Variants in SIGLEC15 observed in about 807,000 individuals in gnomAD.
The protein encoded by SIGLEC15 is sialic acid-binding Ig-like lectin 15.
A neutral mutation model predicts 26.2 loss-of-function variants in SIGLEC15; 31 were observed. The ratio of observed to expected loss-of-function variants is 1.18; its 90% confidence interval spans 0.89 to 1.60. The LOEUF is 1.60. Ranked by LOEUF, SIGLEC15 falls within the 40% of genes most tolerant of loss-of-function variation. The pLI is 0.00. For synonymous variants in SIGLEC15, 207 were observed against 221.9 expected (o/e 0.93, Z 0.60); for missense variants, 501 against 488.4 (o/e 1.03, Z -0.24).
At chr18:45,840,345 TG>T in intron 5 of SIGLEC15, 104 bp downstream of exon 5, 1 of 1,337,242 alleles carries the variant, frequency 7.5e-7, no homozygotes, top group Non-Finnish European at 1.0e-6. Flanking sequence ...GGGCTGGGGC[TG>T]GGGTCCTACT....
intron 1 of SIGLEC15, among the ~76,000 whole-genome samples, chr18:45,836,598 T>A (rs2145060266): frequency 6.6e-6 from 1 of 152,214 alleles, no homozygotes; most frequent in Admixed American, 6.5e-5. Context: ...CAACCACACA[T>A]CCATGGTTCA....
intron 3 of SIGLEC15, among the ~76,000 whole-genome samples, chr18:45,838,166 G>A (rs1599396161): frequency 6.6e-6 from 1 of 152,218 alleles, no homozygotes; most frequent in East Asian, 1.9e-4. Flanking sequence ...GTCCCCAGTG[G>A]CTCTCAGACG....
intron 5 of SIGLEC15, among the ~76,000 whole-genome samples, chr18:45,841,463 T>C (rs2145084195): frequency 6.6e-6 from 1 of 151,958 alleles, no homozygotes; most frequent in Non-Finnish European, 1.5e-5. Context: ...CACTGAATGG[T>C]TTTAAGCGGA....
At chr18:45,836,716 G>A (rs1344925866) in intron 1 of SIGLEC15, among the ~76,000 whole-genome samples, 1 of 152,222 alleles carries the variant, frequency 6.6e-6, no homozygotes, top group African/African-American at 2.4e-5. Context: ...CAGGCACTAG[G>A]GAAGCCAGTC....
In SIGLEC15 at chr18:45,843,625, T is replaced by G. The variant is rs1285162959; in HGVS notation, c.*1438T>G. 1 of 152,322 alleles carries G rather than the reference T, an allele frequency of 6.6e-6. No homozygotes were observed. The highest frequency in any genetic ancestry group is 2.4e-5 in the African/African-American group (1 of 41,452). The allele number at this position is 152,322 out of a possible 1,614,324, so 9.4% of individuals were successfully genotyped here. A position where few individuals can be genotyped will look rare whatever the true frequency, so the allele number is the denominator to read the frequency against. ...TGGGCGTGGTGGCTCATGCCTGTAA[T>G]CCCAGCACCCTGGGAGGCCGAGGCA... is the stretch of plus-strand genomic sequence containing the variant. On this transcript the variant is annotated 3_prime_UTR_variant, in exon 6 of 6. Coordinates refer to ENST00000389474, the MANE Select transcript of SIGLEC15 (RefSeq NM_213602.3).
rs762535724 is a variant in SIGLEC15, at chr18:45,837,895, A to T, written c.495A>T (p.Thr165=). 1 of 1,509,370 alleles carries T rather than the reference A, an allele frequency of 6.6e-7. No individual in the cohort carries two copies. Among genetic ancestry groups the T allele is most frequent in the East Asian group, 2.8e-5 (1 of 36,298 alleles). The allele number at this position is 1,509,370 out of a possible 1,614,324, so 93.5% of individuals were successfully genotyped here. Residue 165 remains threonine, a splice_region_variant and synonymous_variant, in exon 3 of 6, where the codon ACA becomes ACT. Transcript: ENST00000389474. ...GCCACGGCGTCCGGCTGCACGTGAC[A>T]GGCGAGGCGGCGTGGGAGCGGGTCC... is the stretch of plus-strand genomic sequence containing the variant. ...ESRHGVRLHV[T]AAPRIVNISV...
intron 1 of SIGLEC15, among the ~76,000 whole-genome samples, chr18:45,829,683 C>G (rs2048216303): frequency 1.3e-5 from 2 of 152,182 alleles, no homozygotes; most frequent in Non-Finnish European, 2.9e-5. Flanking sequence ...AGGGTAGCCC[C>G]TCCCAGATTG....
chr18:45,828,727 C>A (rs569754701), intron 1 of SIGLEC15, among the ~76,000 whole-genome samples: 3 of 152,198 alleles, frequency 2.0e-5, no homozygotes, highest in Admixed American at 6.5e-5. Flanking sequence ...CCACCTCTCC[C>A]GCACCCTCCT....
At chr18:45,840,542 G>A (rs1450038984) in intron 5 of SIGLEC15, among the ~76,000 whole-genome samples, 1 of 152,186 alleles carries the variant, frequency 6.6e-6, no homozygotes, top group Non-Finnish European at 1.5e-5. Flanking sequence ...CCACATTGGG[G>A]ACACTCATCC....
Position 45,842,308 on chromosome 18 carries a change from C to A in SIGLEC15, c.*121C>A. ...CTTGGCAGCCCCCAGCTGGGTGGCT[C>A]CTCCCCTGCTCAAGGTCAAGACCCT... On this transcript the variant is annotated 3_prime_UTR_variant, in exon 6 of 6. Transcript: ENST00000389474. 1 of 1,034,780 alleles carries A rather than the reference C, an allele frequency of 9.7e-7. No individual in the cohort carries two copies. 64.1% of individuals were successfully genotyped at this position (1,034,780 alleles called of 1,614,324 possible). A position where few individuals can be genotyped will look rare whatever the true frequency, so the allele number is the denominator to read the frequency against.
At chr18:45,826,521 T>C (rs150288551) in intron 1 of SIGLEC15, among the ~76,000 whole-genome samples, 1 of 152,264 alleles carries the variant, frequency 6.6e-6, no homozygotes, top group African/African-American at 2.4e-5. Context: ...CTTGGGTGAT[T>C]CTGACACTCG....
chr18:45,834,035 C>T (rs2048256213), intron 1 of SIGLEC15, among the ~76,000 whole-genome samples: 1 of 152,176 alleles, frequency 6.6e-6, no homozygotes, highest in East Asian at 1.9e-4. Context: ...TGCCTGGCAA[C>T]CTCTATGCTG....
At chr18:45,841,611 C>G (rs1368533912) in intron 5 of SIGLEC15, among the ~76,000 whole-genome samples, 1 of 152,096 alleles carries the variant, frequency 6.6e-6, no homozygotes, top group Non-Finnish European at 1.5e-5. Context: ...AGGGCTTGCC[C>G]AAGAGCCCAG....
intron 1 of SIGLEC15, among the ~76,000 whole-genome samples, chr18:45,826,658 C>T (rs2048187229): frequency 6.6e-6 from 1 of 152,202 alleles, no homozygotes; most frequent in Admixed American, 6.5e-5. Context: ...TCGGCCATCA[C>T]AGGCCACACA....
rs764586239 is a variant in SIGLEC15 at position 45,837,695 on chromosome 18, C to T, written c.295C>T (p.Arg99Trp). ...GPQVFRCAAARGSELCQTALS... is the reference protein window; with the variant it reads ...GPQVFRCAAAWGSELCQTALS... The stretch of plus-strand genomic sequence containing the variant: ...GCAGGTGTTCCGCTGCGCTGCGGCG[C>T]GGGGCAGCGAGCTCTGCCAGACGGC... The change falls in exon 3 of 6, where the codon CGG (arginine) becomes TGG (tryptophan). Residue 99 changes from arginine (R) to tryptophan (W), a missense_variant. Physicochemically the swap from Arg to Trp is moderately radical, Grantham distance 101. Coordinates refer to ENST00000389474, the MANE Select transcript of SIGLEC15 (RefSeq NM_213602.3). 5 of 1,476,492 alleles carry T rather than the reference C, an allele frequency of 3.4e-6. No individual in the cohort carries two copies. In the East Asian group the frequency reaches 8.5e-5, roughly 25 times the overall value. 91.5% of individuals were successfully genotyped at this position (1,476,492 alleles called of 1,614,324 possible).
rs775160452 is a variant in SIGLEC15, at chr18:45,825,686, G to A, written c.-43G>A. The A allele has an allele frequency of 2.1e-5, 34 of 1,606,886 alleles. No homozygotes were observed. Among genetic ancestry groups the A allele is most frequent in the African/African-American group, 2.7e-5 (2 of 74,808 alleles). ...CTGGGAGGGCCCTCACTGGGGAGGT[G>A]GCCGAGAGCGGGTCTGGCCTGGGGT... On this transcript the variant is annotated 5_prime_UTR_variant, in exon 1 of 6. Coordinates refer to ENST00000389474, the MANE Select transcript of SIGLEC15 (RefSeq NM_213602.3).
Position 45,837,505 on chromosome 18 carries a change from G to T in SIGLEC15, c.113-8G>T, listed in dbSNP as rs766694654. On this transcript the variant is annotated splice_polypyrimidine_tract_variant and splice_region_variant and intron_variant, in intron 2 of 5. Transcript: ENST00000389474. ...CCCCGAGCCTGACGCAGCCCGCCCC[G>T]CCCTCAGGCTCGCCAGCGCAGCGCT... is the stretch of plus-strand genomic sequence containing the variant. The T allele has an allele frequency of 6.7e-7, 1 of 1,482,600 alleles. No individual in the cohort carries two copies. Among genetic ancestry groups the T allele is most frequent in the Non-Finnish European group, 8.9e-7 (1 of 1,127,132 alleles). The allele number at this position is 1,482,600 out of a possible 1,614,324, so 91.8% of individuals were successfully genotyped here.
At chr18:45,825,811 C>G in intron 1 of SIGLEC15, 31 bp downstream of exon 1, 2 of 1,613,782 alleles carry the variant, frequency 1.2e-6, no homozygotes, top group Non-Finnish European at 8.5e-7. Context: ...CTGGCCCATG[C>G]TCGGGACAGA....
chr18:45,825,692 G>T lies in SIGLEC15; in HGVS notation c.-37G>T. On this transcript the variant is annotated 5_prime_UTR_variant, in exon 1 of 6. Transcript: ENST00000389474. The stretch of plus-strand genomic sequence containing the variant: ...GGGCCCTCACTGGGGAGGTGGCCGA[G>T]AGCGGGTCTGGCCTGGGGTGTTCAG... The T allele has an allele frequency of 6.2e-7, 1 of 1,608,704 alleles. No homozygotes were observed. Among genetic ancestry groups the T allele is most frequent in the South Asian group, 1.1e-5 (1 of 90,942 alleles).
Sources: allele counts gnomAD v4.1 joint callset (sites outside exome capture counted in the v4.1 genomes callset), GRCh38; gene constraint gnomAD v4.1.1; transcripts MANE v1.5; gene names NCBI Gene and HGNC (gene_info 2026-07-23, HGNC 2026-07-21).